OTOG: variants seen among roughly 807,000 people sequenced by gnomAD.
OTOG encodes otogelin.
Under a neutral mutation model 313.8 loss-of-function variants are expected in OTOG, and 296 were observed. The observed-to-expected ratio is 0.94, with a 90% CI of 0.86 to 1.04. The LOEUF is 1.04. OTOG is among the 50% of genes least tolerant of loss of function. OTOG has a pLI of 0.00. For synonymous variants in OTOG, 1,533 were observed against 1,554.9 expected, an observed-to-expected ratio of 0.99 and a Z score of 0.33; for missense variants, 3,948 against 3,840.1, an observed-to-expected ratio of 1.03 and a Z score of -0.74.
intron 22 of OTOG, 69 bp downstream of exon 22, chr11:17,576,980 C>A: frequency 6.8e-7 from 1 of 1,463,048 alleles, no homozygotes; most frequent in Non-Finnish European, 9.3e-7. Context: ...GGGAGTGGAG[C>A]ACTGATCAGG....
At chr11:17,604,981 A>G (rs1036613188) in intron 32 of OTOG, among the ~76,000 whole-genome samples, 1 of 152,164 alleles carries the variant, frequency 6.6e-6, no homozygotes, top group Non-Finnish European at 1.5e-5. Flanking sequence ...GACACAGGGG[A>G]CACATGGAAG....
In OTOG at chr11:17,573,075, C is replaced by T. The variant is rs1852438996; in HGVS notation, c.2081-3C>T. The T allele has an allele frequency of 4.5e-6, 7 of 1,539,300 alleles. No individual in the cohort carries two copies. The highest frequency in any genetic ancestry group is 6.1e-6 in the Non-Finnish European group (7 of 1,140,048). The stretch of plus-strand genomic sequence containing the variant: ...TGCCTGGCTCCTGTTCTTCCTTCCC[C>T]AGCCTCCTACTCAGTGCAGGCCTGC... On this transcript the variant is annotated splice_region_variant and splice_polypyrimidine_tract_variant and intron_variant, in intron 18 of 55. Transcript: ENST00000399397.
At position 17,572,166 on chromosome 11, in the gene OTOG, G is replaced by A. The variant is rs568871254; in HGVS notation, c.2042G>A (p.Gly681Asp). The A allele has an allele frequency of 1.3e-6, 2 of 1,550,486 alleles. No homozygotes were observed. The highest frequency in any genetic ancestry group is 4.9e-5 in the East Asian group (2 of 40,878). Reference protein sequence around the residue: ...TLSACSPLVSGSPLDPCDVHL... With the variant: ...TLSACSPLVSDSPLDPCDVHL... ...TCTGCTTGCTCCCCGCTGGTCTCTG[G>A]CTCCCCTCTGGACCCCTGCGATGTG... The change falls in exon 18 of 56, where the codon GGC (glycine) becomes GAC (aspartate). Residue 681 changes from glycine to aspartate, a missense_variant. Gly to Asp is a moderately conservative substitution (Grantham distance 94, BLOSUM62 -1). Transcript: ENST00000399397.
chr11:17,564,830 A>G (rs1240019641), intron 15 of OTOG, among the ~76,000 whole-genome samples: 1 of 152,202 alleles, frequency 6.6e-6, no homozygotes, highest in Non-Finnish European at 1.5e-5. Flanking sequence ...GGCATTTTTG[A>G]GAATCCACAG....
Position 17,597,016 on chromosome 11 carries a change from C to T in OTOG, c.3682+9C>T. 1.3e-6 allele frequency: 2 copies of T among 1,549,478 alleles called. No homozygotes were observed. Among genetic ancestry groups the T allele is most frequent in the Non-Finnish European group, 1.7e-6 (2 of 1,146,846 alleles). ...AACCCCCCGCCTCTGCCGTGAGTGT[C>T]CCAGACAATCACCTGAGGGGACAGA... On this transcript the variant is annotated intron_variant, in intron 30 of 55. Coordinates refer to ENST00000399397, the MANE Select transcript of OTOG (RefSeq NM_001292063.2).
At chr11:17,636,044 C>A (rs1287511589) in intron 47 of OTOG, among the ~76,000 whole-genome samples, 1 of 152,250 alleles carries the variant, frequency 6.6e-6, no homozygotes, top group African/African-American at 2.4e-5. Context: ...ACCCAAGGCT[C>A]CCCTTCAGGG....
chr11:17,552,131 G>A, intron 4 of OTOG, 56 bp downstream of exon 4: 6 of 1,500,254 alleles, frequency 4.0e-6, no homozygotes, highest in Non-Finnish European at 5.4e-6. Flanking sequence ...CCCTGGCAGA[G>A]GCCTGAAAGG....
chr11:17,548,452 T>C (rs1465846522), intron 3 of OTOG, among the ~76,000 whole-genome samples: 1 of 72,790 alleles, frequency 1.4e-5, no homozygotes, highest in African/African-American at 6.7e-5. Context: ...TTTTTTTTTT[T>C]TTTTAGGAGA....
intron 38 of OTOG, among the ~76,000 whole-genome samples, chr11:17,613,211 C>CTT (rs1485679658): frequency 8.5e-6 from 1 of 117,882 alleles, no homozygotes; most frequent in Non-Finnish European, 1.7e-5. Context: ...TTCTTTCTTT[C>CTT]TTTCTTTCTT....
At position 17,555,902 on chromosome 11, in the gene OTOG, C is replaced by T. The variant is rs1336203510; in HGVS notation, c.659+5C>T. On this transcript the variant is annotated splice_donor_5th_base_variant and intron_variant, in intron 7 of 55. Coordinates refer to ENST00000399397, the MANE Select transcript of OTOG (RefSeq NM_001292063.2). ...GGTCACCCATGGAGGCATGAGGTAACTCTAACACCTTCCACATCGAGCTGT... is the reference window on the plus strand; with the variant it reads ...GGTCACCCATGGAGGCATGAGGTAATTCTAACACCTTCCACATCGAGCTGT... The T allele has an allele frequency of 3.2e-6, 5 of 1,542,962 alleles. No homozygotes were observed. Among genetic ancestry groups the T allele is most frequent in the African/African-American group, 1.4e-5 (1 of 72,890 alleles).
intron 29 of OTOG, among the ~76,000 whole-genome samples, chr11:17,596,399 C>T (rs1166638529): frequency 6.6e-6 from 1 of 152,262 alleles, no homozygotes; most frequent in East Asian, 1.9e-4. Context: ...TCTGGCCCTT[C>T]CTCCTTATCA....
chr11:17,599,672 G>A lies in OTOG; in HGVS notation c.3684G>A (p.Pro1228=), dbSNP rs755990926. 63 of 1,550,572 alleles carry A rather than the reference G, an allele frequency of 4.1e-5. No homozygotes were observed. The highest frequency in any genetic ancestry group is 5.1e-5 in the Non-Finnish European group (58 of 1,147,014). ...AVDWRTPRLC[P]YDCDFFNKVL... ...AAGTTCCTGTTCTCTCTCTTTCAGCGTATGACTGTGACTTCTTTAACAAAG... is the reference window on the plus strand; with the variant it reads ...AAGTTCCTGTTCTCTCTCTTTCAGCATATGACTGTGACTTCTTTAACAAAG... Residue 1228 remains proline (P), a splice_region_variant and synonymous_variant, in exon 31 of 56, where the codon CCG becomes CCA. Transcript: ENST00000399397.
At chr11:17,603,427 G>A (rs558054699) in intron 32 of OTOG, among the ~76,000 whole-genome samples, 5 of 152,310 alleles carry the variant, frequency 3.3e-5, no homozygotes, top group African/African-American at 9.6e-5. Context: ...AGTAGGTAAT[G>A]TGTAGTCCAG....
At chr11:17,554,123 G>C (rs535741713) in intron 6 of OTOG, among the ~76,000 whole-genome samples, 5 of 152,150 alleles carry the variant, frequency 3.3e-5, no homozygotes, top group African/African-American at 1.2e-4. Flanking sequence ...AAAGAGACTA[G>C]GGCCTCAGAG....
intron 6 of OTOG, among the ~76,000 whole-genome samples, chr11:17,555,150 G>A (rs540971673): frequency 1.7e-4 from 26 of 152,096 alleles, no homozygotes; most frequent in African/African-American, 4.8e-4. Flanking sequence ...ACCCCACCCC[G>A]TCCTTTGGGT....
intron 32 of OTOG, among the ~76,000 whole-genome samples, chr11:17,602,927 CT>C (rs1208976623): frequency 2.0e-5 from 3 of 152,224 alleles, no homozygotes; most frequent in Non-Finnish European, 2.9e-5. Context: ...GGGCCCCCAA[CT>C]CAGTCTTAGA....
chr11:17,611,756 T>C (rs1853554476), intron 36 of OTOG, among the ~76,000 whole-genome samples: 2 of 152,164 alleles, frequency 1.3e-5, no homozygotes, highest in African/African-American at 2.4e-5. Context: ...TGCTCTTGTG[T>C]GTGTGAGGAA....
intron 49 of OTOG, among the ~76,000 whole-genome samples, chr11:17,639,869 G>GTGATGGTGGTGGTGATGGTGAGGA (rs1234189492): frequency 1.4e-4 from 18 of 130,072 alleles, no homozygotes; most frequent in African/African-American, 5.6e-4. Flanking sequence ...TAATGCAATG[G>GTGATGGTGGTGGTGATGGTGAGGA]TGATGGTGGT....
Position 17,547,276 on chromosome 11 carries a change from C to A in OTOG, c.-97C>A. Reference sequence around the variant, plus strand: ...CCTGGGGCATGAGAACAAGAGGGACCTCGGCTGCGGAGTGGAGGTGTGACC... The same window carrying A: ...CCTGGGGCATGAGAACAAGAGGGACATCGGCTGCGGAGTGGAGGTGTGACC... On this transcript the variant is annotated 5_prime_UTR_variant, in exon 1 of 56. Coordinates refer to ENST00000399397, the MANE Select transcript of OTOG (RefSeq NM_001292063.2). 1 of 1,052,206 alleles carries A rather than the reference C, an allele frequency of 9.5e-7. No individual in the cohort carries two copies. The highest frequency in any genetic ancestry group is 1.2e-6 in the Non-Finnish European group (1 of 814,644). 65.2% of individuals were successfully genotyped at this position (1,052,206 alleles called of 1,614,324 possible). A position where few individuals can be genotyped will look rare whatever the true frequency, so the allele number is the denominator to read the frequency against.
Sources: allele counts gnomAD v4.1 joint callset (sites outside exome capture counted in the v4.1 genomes callset), GRCh38; gene constraint gnomAD v4.1.1; transcripts MANE v1.5; gene names NCBI Gene and HGNC (gene_info 2026-07-23, HGNC 2026-07-21).